ZNF534: variants seen among roughly 807,000 people sequenced by gnomAD.
ZNF534 encodes zinc finger protein 534.
In ZNF534, 19 loss-of-function variants were observed where a neutral mutation model predicts 13.6. The observed-to-expected ratio is 1.40, with a 90% CI of 0.97 to 2.05. The LOEUF is 2.05. Among genes scored for constraint, ZNF534 ranks in the 30% most tolerant of loss-of-function variants. The probability of loss-of-function intolerance (pLI) is 0.00; values close to 1 mark genes in which losing one functional copy is unlikely to be tolerated. For missense variants in ZNF534, 782 were observed against 796.3 expected (o/e 0.98, Z 0.22); for synonymous variants, 244 against 273.8 (o/e 0.89, Z 1.07).
At chr19:52,449,922 A>G (rs553226326) in intron 4 of ZNF534, among the ~76,000 whole-genome samples, 1 of 152,200 alleles carries the variant, frequency 6.6e-6, no homozygotes, top group African/African-American at 2.4e-5. Flanking sequence ...TGGGAGGCTG[A>G]GGCATGAGAA....
In ZNF534 at chr19:52,440,349, A is replaced by C. The variant is rs2122706489; in HGVS notation, c.*903A>C. Among the ~76,000 whole-genome samples the C allele has an allele frequency of 6.6e-6, 1 of 152,378 alleles. No individual in the cohort carries two copies. Among genetic ancestry groups the C allele is most frequent in the Non-Finnish European group, 1.5e-5 (1 of 68,038 alleles). Reference sequence around the variant, plus strand: ...ATCACAGAATCCATACTGGAGAGAAACCTTACAAATGAATGACAGCATCTT... The same window carrying C: ...ATCACAGAATCCATACTGGAGAGAACCCTTACAAATGAATGACAGCATCTT... On this transcript the variant is annotated 3_prime_UTR_variant, in exon 5 of 5. Transcript: ENST00000433050.
In ZNF534 at chr19:52,441,934, C is replaced by T. The variant is rs1022101933; in HGVS notation, c.*2488C>T. Among the ~76,000 whole-genome samples, 2 of 152,148 alleles carry T rather than the reference C, an allele frequency of 1.3e-5. No individual in the cohort carries two copies. The highest frequency in any genetic ancestry group is 1.3e-4 in the Admixed American group (2 of 15,266). ...CCTTACAAGCTGTGTACGGAAAGCT[C>T]GTCATGAGTTTTAGCATTAATGAAC... is the stretch of plus-strand genomic sequence containing the variant. On this transcript the variant is annotated 3_prime_UTR_variant, in exon 5 of 5. Coordinates refer to ENST00000433050, the MANE Select transcript of ZNF534 (RefSeq NM_001143938.3).
At chr19:52,433,757 T>G (rs2059108375) in intron 2 of ZNF534, 198 bp from the exon 3 acceptor site, 1 of 666,836 alleles carries the variant, frequency 1.5e-6, no homozygotes, top group South Asian at 1.5e-5. Flanking sequence ...CTACTCTGAT[T>G]TAAAGAATGT....
downstream of ZNF534, among the ~76,000 whole-genome samples, chr19:52,445,112 C>A (rs2162793): frequency 1 from 152,162 of 152,246 alleles, 76,042 homozygotes; most frequent in Middle Eastern, 1. Context: ...AGCCTTCCCC[C>A]AGGACCCCTG....
chr19:52,451,388 G>A (rs2059215233), exon 5 of ZNF534: 3 of 822,822 alleles, frequency 3.6e-6, no homozygotes, highest in Non-Finnish European at 6.2e-6. Flanking sequence ...GAGGGCCGAG[G>A]CCACGGGACT....
rs1295771994 is a variant in ZNF534 at position 52,438,571 on chromosome 19, A to G, written c.1111A>G (p.Arg371Gly). The part of the protein sequence containing the change: ...KGFSRIAFLA[R>G]HRKVHTGEKP... ...GTTTAGTCGAATTGCATTCCTTGCA[A>G]GGCATCGGAAAGTTCATACTGGAGA... Residue 371 changes from arginine (R) to glycine (G), a missense_variant, in exon 5 of 5, where the codon AGG becomes GGG. Arg to Gly is a moderately radical substitution (Grantham distance 125, BLOSUM62 -2). Coordinates refer to ENST00000433050, the MANE Select transcript of ZNF534 (RefSeq NM_001143938.3). 1 of 1,581,722 alleles carries G rather than the reference A, an allele frequency of 6.3e-7. No individual in the cohort carries two copies. The highest frequency in any genetic ancestry group is 8.6e-7 in the Non-Finnish European group (1 of 1,162,380).
intron 3 of ZNF534, among the ~76,000 whole-genome samples, chr19:52,434,745 A>G: frequency 6.8e-6 from 1 of 146,114 alleles, no homozygotes; most frequent in South Asian, 2.1e-4. Flanking sequence ...AAAAAAAAAA[A>G]GAAAGAAATG....
rs998935403 is a variant in ZNF534 at position 52,438,641 on chromosome 19, A to G, written c.1181A>G (p.Asn394Ser). ...GAGTGTGGCAAGGTCTTTATTGGCA[A>G]TTCACGCCTTGCACGACATAGGAAA... The part of the protein sequence containing the change: ...CNECGKVFIG[N>S]SRLARHRKIH... The change falls in exon 5 of 5, where the codon AAT becomes AGT. Residue 394 changes from asparagine to serine, a missense_variant. Coordinates refer to ENST00000433050, the MANE Select transcript of ZNF534 (RefSeq NM_001143938.3). The G allele has an allele frequency of 1.9e-6, 3 of 1,587,674 alleles. No homozygotes were observed. Among genetic ancestry groups the G allele is most frequent in the African/African-American group, 1.3e-5 (1 of 74,094 alleles).
rs866921294 is a variant in ZNF534 at position 52,438,685 on chromosome 19, C to T, written c.1225C>T (p.Arg409Cys). 12 of 1,579,536 alleles carry T rather than the reference C, an allele frequency of 7.6e-6. No homozygotes were observed. Among genetic ancestry groups the T allele is most frequent in the South Asian group, 1.1e-5 (1 of 87,650 alleles). ...TAGGAAAATTCATACTGGGGGGAGG[C>T]GTTACAAATGTAATGAATGTGGCAA... ...RHRKIHTGGR[R>C]YKCNECGKAF... The change falls in exon 5 of 5, where the codon CGT becomes TGT. Residue 409 changes from arginine to cysteine, a missense_variant. Arg to Cys is a radical substitution (Grantham distance 180). Coordinates refer to ENST00000433050, the MANE Select transcript of ZNF534 (RefSeq NM_001143938.3).
chr19:52,450,017 TC>T (rs2059207602), intron 4 of ZNF534, among the ~76,000 whole-genome samples: 1 of 151,942 alleles, frequency 6.6e-6, no homozygotes, highest in African/African-American at 2.4e-5. Context: ...TGAGACTCCG[TC>T]TAAAAAAAAA....
Position 52,438,142 on chromosome 19 carries a change from A to G in ZNF534, c.682A>G (p.Asn228Asp), listed in dbSNP as rs539708781. 6.2e-7 allele frequency: 1 copy of G among 1,614,070 alleles called. No individual in the cohort carries two copies. Among genetic ancestry groups the G allele is most frequent in the Non-Finnish European group, 8.5e-7 (1 of 1,179,976 alleles). Residue 228 changes from asparagine (N) to aspartate (D), a missense_variant, in exon 5 of 5, where the codon AAC (asparagine) becomes GAC (aspartate). By Grantham distance (23) the Asn-to-Asp change is conservative (BLOSUM62 1). Coordinates refer to ENST00000433050, the MANE Select transcript of ZNF534 (RefSeq NM_001143938.3). ...DCGEIFSSNSNFAQHQRIHTG... is the reference protein window; with the variant it reads ...DCGEIFSSNSDFAQHQRIHTG... ...TGGCGAGATCTTTAGTAGCAATTCAAACTTTGCACAACATCAACGAATCCA... is the reference window on the plus strand; with the variant it reads ...TGGCGAGATCTTTAGTAGCAATTCAGACTTTGCACAACATCAACGAATCCA...
intron 4 of ZNF534, among the ~76,000 whole-genome samples, chr19:52,435,890 A>G (rs6509638): frequency 0.91 from 136,085 of 149,758 alleles, 62,205 homozygotes; most frequent in Non-Finnish European, 0.96. Context: ...GATGAGTTTT[A>G]CTAAATATAG....
At position 52,434,007 on chromosome 19, in the gene ZNF534, A is replaced by C; in HGVS notation, c.68A>C (p.Lys23Thr). 2.5e-6 allele frequency: 4 copies of C among 1,614,150 alleles called. No homozygotes were observed. The highest frequency in any genetic ancestry group is 3.4e-6 in the Non-Finnish European group (4 of 1,180,024). The part of the protein sequence containing the change: ...VAIEFSQEEW[K>T]CLDPGQKALY... ...ATAGAATTCTCTCAGGAGGAGTGGA[A>C]ATGCCTGGACCCTGGGCAGAAAGCT... The change falls in exon 3 of 5, where the codon AAA becomes ACA. Residue 23 changes from lysine to threonine, a missense_variant. Physicochemically the swap from Lys to Thr is moderately conservative, Grantham distance 78 (BLOSUM62 -1). Coordinates refer to ENST00000433050, the MANE Select transcript of ZNF534 (RefSeq NM_001143938.3).
At chr19:52,451,100 T>C (rs2059212881) in intron 4 of ZNF534, 5 of 582,414 alleles carry the variant, frequency 8.6e-6, no homozygotes, top group Non-Finnish European at 1.2e-5. Context: ...ATATTAATTT[T>C]TTCCCACCCA....
chr19:52,429,965 T>C (rs867924969), intron 1 of ZNF534, among the ~76,000 whole-genome samples: 44 of 151,530 alleles, frequency 2.9e-4, no homozygotes, highest in Middle Eastern at 3.4e-3. Flanking sequence ...CTTTTTTTTT[T>C]CCCTTAACAA....
rs73588012 is a variant in ZNF534, at chr19:52,431,498, A to G, written c.15+9A>G. 159,301 of 1,609,918 alleles carry G rather than the reference A, an allele frequency of 0.099. 10,351 individuals carry two copies. The highest frequency in any genetic ancestry group is 0.32 in the African/African-American group (23,704 of 74,778). On this transcript the variant is annotated intron_variant, in intron 2 of 4. Coordinates refer to ENST00000433050, the MANE Select transcript of ZNF534 (RefSeq NM_001143938.3). Reference sequence around the variant, plus strand: ...GAATGGCCCTTACTCAGGTAAGGTAATGTTCTCAGTGGATTGTTCTGTCTC... The same window carrying G: ...GAATGGCCCTTACTCAGGTAAGGTAGTGTTCTCAGTGGATTGTTCTGTCTC...
chr19:52,440,071 A>C lies in ZNF534; in HGVS notation c.*625A>C, dbSNP rs2059162468. ...CAAGAGGAGCAAAACTCTTTCTTTA[A>C]AAACAAAACAAAAAAAGTTATGAAG... On this transcript the variant is annotated 3_prime_UTR_variant, in exon 5 of 5. Transcript: ENST00000433050. 6.7e-6 allele frequency among the ~76,000 whole-genome samples: 1 copy of C among 150,182 alleles called. No individual in the cohort carries two copies. Among genetic ancestry groups the C allele is most frequent in the East Asian group, 2.0e-4 (1 of 5,118 alleles).
intron 2 of ZNF534, 28 bp downstream of exon 2, chr19:52,431,517 C>G (rs756603687): frequency 1.9e-6 from 3 of 1,613,830 alleles, no homozygotes; most frequent in Non-Finnish European, 2.5e-6. Context: ...GTGGATTGTT[C>G]TGTCTCTGTT....
In ZNF534 at chr19:52,434,024, C is replaced by G; in HGVS notation, c.85C>G (p.Gln29Glu). ...GGAGTGGAAATGCCTGGACCCTGGG[C>G]AGAAAGCTTTATACAGGGACGTGAT... is the stretch of plus-strand genomic sequence containing the variant. ...QEEWKCLDPGQKALYRDVMLE... is the reference protein window; with the variant it reads ...QEEWKCLDPGEKALYRDVMLE... The change falls in exon 3 of 5, where the codon CAG becomes GAG. Residue 29 changes from glutamine to glutamate, a missense_variant. Coordinates refer to ENST00000433050, the MANE Select transcript of ZNF534 (RefSeq NM_001143938.3). 1 of 1,614,096 alleles carries G rather than the reference C, an allele frequency of 6.2e-7. No homozygotes were observed. The highest frequency in any genetic ancestry group is 8.5e-7 in the Non-Finnish European group (1 of 1,180,016).
Sources: allele counts gnomAD v4.1 joint callset (sites outside exome capture counted in the v4.1 genomes callset), GRCh38; gene constraint gnomAD v4.1.1; transcripts MANE v1.5; gene names NCBI Gene and HGNC (gene_info 2026-07-23, HGNC 2026-07-21).